Variants in NLGN4Y observed in about 807,000 individuals in gnomAD.
NLGN4Y encodes neuroligin-4, Y-linked.
Under a neutral mutation model 8.4 loss-of-function variants are expected in NLGN4Y, and 4 were observed. The observed-to-expected ratio is 0.48, with a 90% confidence interval of 0.23 to 1.09. The LOEUF is 1.09. Ranked by LOEUF, NLGN4Y falls within the 50% of genes least tolerant of loss-of-function variation. The pLI is 0.19. For synonymous variants in NLGN4Y, 35 were observed against 75.6 expected (o/e 0.46, Z 2.78); for missense variants, 90 against 192.3 (o/e 0.47, Z 3.15).
In NLGN4Y at chrY:14,844,400, G is replaced by A. The variant is rs1603504600; in HGVS notation, c.*3138G>A. 1 of 38,052 alleles carries A rather than the reference G, an allele frequency of 2.6e-5. No homozygotes were observed. The highest frequency in any genetic ancestry group is 7.4e-4 in the East Asian group (1 of 1,360). The allele number at this position is 38,052 out of a possible 400,897, so 9.5% of individuals were successfully genotyped here. A position where few individuals can be genotyped will look rare whatever the true frequency, so the allele number is the denominator to read the frequency against. On this transcript the variant is annotated 3_prime_UTR_variant, in exon 7 of 7. Coordinates refer to ENST00000684976, the MANE Select transcript of NLGN4Y (RefSeq NM_001365588.1). ...CAGAAAATCATTGTCATTCCAATGG[G>A]AGCTCAATTGTCAATTCCTTCCTGT...
chrY:14,808,855 TA>T (rs2043066793), intron 4 of NLGN4Y, among the ~76,000 whole-genome samples: 1 of 33,877 alleles, frequency 3.0e-5, no homozygotes. Context: ...GGACTTCATA[TA>T]AAAAAGCAAG....
intron 1 of NLGN4Y, among the ~76,000 whole-genome samples, chrY:14,582,744 AGTT>A (rs2080323814): frequency 2.9e-5 from 1 of 34,353 alleles, no homozygotes; most frequent in Non-Finnish European, 7.3e-5. Context: ...TATTGAAACC[AGTT>A]GTTGGAGAAT....
intron 5 of NLGN4Y, among the ~76,000 whole-genome samples, chrY:14,825,114 C>A: frequency 6.1e-5 from 2 of 32,655 alleles, no homozygotes; most frequent in African/African-American, 1.2e-4. Context: ...TTCTTTAAAT[C>A]TTCTGGAAAC....
At chrY:14,723,366 C>T in intron 4 of NLGN4Y, 97 bp downstream of exon 4, 3 of 270,009 alleles carry the variant, frequency 1.1e-5, no homozygotes, top group Non-Finnish European at 1.8e-5. Flanking sequence ...CCCGTTATTA[C>T]AGTTCCTGGT....
chrY:14,595,878 C>T, intron 1 of NLGN4Y, among the ~76,000 whole-genome samples: 1 of 33,045 alleles, frequency 3.0e-5, no homozygotes, highest in African/African-American at 1.2e-4. Context: ...CTTACTGACG[C>T]AATGTTGAAA....
intron 2 of NLGN4Y, among the ~76,000 whole-genome samples, chrY:14,667,191 G>C: frequency 3.2e-5 from 1 of 31,414 alleles, no homozygotes; most frequent in African/African-American, 1.2e-4. Context: ...TTCAAGAAAA[G>C]GAGTATTTCC....
intron 1 of NLGN4Y, among the ~76,000 whole-genome samples, chrY:14,547,825 G>T (rs2080177813): frequency 3.0e-5 from 1 of 33,496 alleles, no homozygotes; most frequent in Non-Finnish European, 7.3e-5. Flanking sequence ...ATTCAACTGG[G>T]TTAGAGATTG....
chrY:14,660,479 G>T (rs2080670075), intron 2 of NLGN4Y, among the ~76,000 whole-genome samples: 1 of 32,619 alleles, frequency 3.1e-5, no homozygotes, highest in South Asian at 7.1e-4. Context: ...GATCTCCTTG[G>T]CTCAAGTAAT....
Position 14,692,346 on chromosome Y carries a change from C to CT in NLGN4Y, c.473-27111dup, listed in dbSNP as rs2080813496. Among the ~76,000 whole-genome samples the CT allele has an allele frequency of 1.8e-4, 6 of 33,017 alleles. No homozygotes were observed. In the East Asian group the frequency reaches 4.0e-3, roughly 22 times the overall value. 88.6% of individuals were successfully genotyped at this position (33,017 alleles called of 37,273 possible). A position where few individuals can be genotyped will look rare whatever the true frequency, so the allele number is the denominator to read the frequency against. On this transcript the variant is annotated intron_variant, in intron 2 of 6. Transcript: ENST00000684976. ...TTAGTAATCTATATGATTCAAGCCT[C>CT]TTATAGATTTTTATCTCTACCCAGT...
intron 1 of NLGN4Y, among the ~76,000 whole-genome samples, chrY:14,596,889 G>A (rs2080402809): frequency 6.1e-5 from 2 of 33,042 alleles, no homozygotes; most frequent in African/African-American, 2.4e-4. Flanking sequence ...ATAGGCGATG[G>A]TCTCACTGCT....
Position 14,546,404 on chromosome Y carries a change from C to T in NLGN4Y, c.-112+21696C>T. Among the ~76,000 whole-genome samples, 4 of 32,928 alleles carry T rather than the reference C, an allele frequency of 1.2e-4. No homozygotes were observed. The East Asian group carries it at 3.1e-3, about 26-fold the overall frequency. The allele number at this position is 32,928 out of a possible 37,273, so 88.3% of individuals were successfully genotyped here. ...TTTCACGATATTGATTCTTCCTACC[C>T]ATGAGCATGGAATGTTCTTCCATTT... On this transcript the variant is annotated intron_variant, in intron 1 of 6. Coordinates refer to ENST00000684976, the MANE Select transcript of NLGN4Y (RefSeq NM_001365588.1).
intron 2 of NLGN4Y, among the ~76,000 whole-genome samples, chrY:14,645,164 T>TC (rs2080605478): frequency 0.012 from 94 of 8,042 alleles, no homozygotes; most frequent in African/African-American, 0.1. Context: ...TGGACCTGAA[T>TC]TTTTTTTTTT....
intron 4 of NLGN4Y, among the ~76,000 whole-genome samples, chrY:14,756,210 C>G: frequency 3.0e-4 from 10 of 33,470 alleles, no homozygotes; most frequent in African/African-American, 4.7e-4. Context: ...GTACCTCCTA[C>G]TTTATCTGTG....
intron 4 of NLGN4Y, among the ~76,000 whole-genome samples, chrY:14,818,000 T>C: frequency 3.1e-5 from 1 of 32,678 alleles, no homozygotes; most frequent in Non-Finnish European, 7.4e-5. Context: ...GACTGCTGCA[T>C]TTTCTTGCTA....
At chrY:14,726,587 T>C (rs2080955920) in intron 4 of NLGN4Y, among the ~76,000 whole-genome samples, 1 of 33,529 alleles carries the variant, frequency 3.0e-5, no homozygotes, top group Non-Finnish European at 7.3e-5. Flanking sequence ...CTGATTCCCA[T>C]TTACTCTTTC....
At chrY:14,528,531 C>T in intron 1 of NLGN4Y, among the ~76,000 whole-genome samples, 3 of 31,568 alleles carry the variant, frequency 9.5e-5, no homozygotes, top group Non-Finnish European at 1.5e-4. Flanking sequence ...CCTTATAAAA[C>T]GATCAGATCT....
chrY:14,750,373 G>T (rs2081038063), intron 4 of NLGN4Y, among the ~76,000 whole-genome samples: 1 of 32,785 alleles, frequency 3.1e-5, no homozygotes, highest in Non-Finnish European at 7.5e-5. Context: ...AGACAGTCTT[G>T]CTATGTTAGT....
intron 4 of NLGN4Y, among the ~76,000 whole-genome samples, chrY:14,786,539 T>C: frequency 3.0e-5 from 1 of 32,847 alleles, no homozygotes; most frequent in Non-Finnish European, 7.4e-5. Flanking sequence ...CAGTGTGTGT[T>C]ACTCTCCTCT....
intron 2 of NLGN4Y, among the ~76,000 whole-genome samples, chrY:14,719,229 T>C: frequency 3.0e-5 from 1 of 33,408 alleles, no homozygotes; most frequent in Non-Finnish European, 7.4e-5. Context: ...TAATATTTTT[T>C]ACAAGTAACA....
Sources: allele counts gnomAD v4.1 joint callset (sites outside exome capture counted in the v4.1 genomes callset), GRCh38; gene constraint gnomAD v4.1.1; transcripts MANE v1.5; gene names NCBI Gene and HGNC (gene_info 2026-07-23, HGNC 2026-07-21).